Variants in PHACTR3 observed in about 807,000 individuals in gnomAD.
PHACTR3 encodes the protein protein phosphatase 1, regulatory subunit 123.
A neutral mutation model predicts 66.8 loss-of-function variants in PHACTR3; 16 were observed. That is an observed-to-expected ratio of 0.24 (90% CI 0.16 to 0.36). The LOEUF (loss-of-function observed/expected upper bound fraction) is 0.36, where lower values mean the gene tolerates loss of function less well. Among genes scored for constraint, PHACTR3 ranks in the 10% least tolerant of loss-of-function variants. PHACTR3 has a pLI of 1.00. For synonymous variants in PHACTR3, 323 were observed against 292.1 expected, an observed-to-expected ratio of 1.11 and a Z score of -1.08; for missense variants, 647 against 719.9, an observed-to-expected ratio of 0.90 and a Z score of 1.16.
At chr20:59,761,394 G>A (rs985828824) in intron 4 of PHACTR3, among the ~76,000 whole-genome samples, 2 of 152,164 alleles carry the variant, frequency 1.3e-5, no homozygotes, top group African/African-American at 2.4e-5. Context: ...ACAGCCAGCT[G>A]CCCAAGCTGA....
intron 1 of PHACTR3, among the ~76,000 whole-genome samples, chr20:59,646,022 G>A (rs1600998471): frequency 6.6e-6 from 1 of 152,316 alleles, no homozygotes; most frequent in East Asian, 1.9e-4. Context: ...GGCAAGGGTT[G>A]TAAGCTCCTG....
At chr20:59,827,875 G>A (rs942174722) in intron 8 of PHACTR3, among the ~76,000 whole-genome samples, 6 of 152,108 alleles carry the variant, frequency 3.9e-5, no homozygotes, top group Non-Finnish European at 7.4e-5. Context: ...AAGTTGCCCT[G>A]CCTCCTATGC....
chr20:59,764,850 A>G (rs1568795220), intron 4 of PHACTR3, among the ~76,000 whole-genome samples: 1 of 151,934 alleles, frequency 6.6e-6, no homozygotes, highest in Admixed American at 6.6e-5. Context: ...AAGGGGTGGG[A>G]CCCCCCCAGG....
chr20:59,810,778 C>T (rs968255231), intron 8 of PHACTR3, among the ~76,000 whole-genome samples: 2 of 152,192 alleles, frequency 1.3e-5, no homozygotes, highest in Non-Finnish European at 2.9e-5. Flanking sequence ...AAGAGTGAAG[C>T]TCTATGCTGA....
At chr20:59,638,080 T>G (rs1436653660) in intron 1 of PHACTR3, among the ~76,000 whole-genome samples, 2 of 152,214 alleles carry the variant, frequency 1.3e-5, no homozygotes, top group African/African-American at 4.8e-5. Context: ...GTGCATACTA[T>G]TAAATGCTGC....
intron 1 of PHACTR3, among the ~76,000 whole-genome samples, chr20:59,599,418 CG>C (rs1179611851): frequency 6.6e-6 from 1 of 152,126 alleles, no homozygotes; most frequent in Non-Finnish European, 1.5e-5. Flanking sequence ...CATAAGAAGA[CG>C]GCGGAATTGA....
At chr20:59,694,106 G>A (rs977124464) in intron 1 of PHACTR3, among the ~76,000 whole-genome samples, 1 of 152,204 alleles carries the variant, frequency 6.6e-6, no homozygotes, top group African/African-American at 2.4e-5. Context: ...TATGTCATAT[G>A]TGACTCTATA....
chr20:59,826,736 G>A (rs148248230), intron 8 of PHACTR3, among the ~76,000 whole-genome samples: 245 of 152,122 alleles, frequency 1.6e-3, no homozygotes, highest in African/African-American at 5.6e-3. Flanking sequence ...CCTCTCTCAC[G>A]TCCTTCCCTG....
chr20:59,767,235 C>G lies in PHACTR3; in HGVS notation c.591C>G (p.Leu197=), dbSNP rs1568797704. The change falls in exon 5 of 13, where the codon CTC becomes CTG. Residue 197 remains leucine (L), a synonymous_variant. Transcript: ENST00000371015. ...SSGEEADAGS[L]LPTTNELSQA... Reference sequence around the variant, plus strand: ...GTGAAGAAGCAGACGCTGGCAGCCTCCTGCCCACCACCAATGAGCTCTCCC... The same window carrying G: ...GTGAAGAAGCAGACGCTGGCAGCCTGCTGCCCACCACCAATGAGCTCTCCC... 9 of 1,614,152 alleles carry G rather than the reference C, an allele frequency of 5.6e-6. No individual in the cohort carries two copies. Among genetic ancestry groups the G allele is most frequent in the Non-Finnish European group, 7.6e-6 (9 of 1,180,064 alleles).
At chr20:59,648,082 C>T (rs1456545958) in intron 1 of PHACTR3, among the ~76,000 whole-genome samples, 1 of 152,188 alleles carries the variant, frequency 6.6e-6, no homozygotes, top group Non-Finnish European at 1.5e-5. Context: ...GAGAAACCTA[C>T]CCAGACTGGC....
intron 8 of PHACTR3, among the ~76,000 whole-genome samples, chr20:59,827,805 C>G (rs1216530442): frequency 6.6e-6 from 1 of 152,172 alleles, no homozygotes; most frequent in Non-Finnish European, 1.5e-5. Context: ...CATGGGACAC[C>G]TTCCCGACAT....
intron 1 of PHACTR3, among the ~76,000 whole-genome samples, chr20:59,662,954 G>A (rs1002634326): frequency 5.3e-5 from 8 of 152,162 alleles, no homozygotes; most frequent in Non-Finnish European, 1.2e-4. Context: ...GTGTTCCCTC[G>A]CAGTTCACGG....
chr20:59,831,493 G>C (rs1352691798), intron 8 of PHACTR3, among the ~76,000 whole-genome samples: 1 of 152,178 alleles, frequency 6.6e-6, no homozygotes. Flanking sequence ...GTCAGAAATA[G>C]ACTGTGGCTT....
intron 1 of PHACTR3, among the ~76,000 whole-genome samples, chr20:59,703,959 G>T (rs1049300797): frequency 2.0e-5 from 3 of 152,064 alleles, no homozygotes; most frequent in African/African-American, 7.2e-5. Flanking sequence ...TAAATAGTGG[G>T]CTGTTATTTC....
At chr20:59,674,576 T>C (rs2036335663) in intron 1 of PHACTR3, among the ~76,000 whole-genome samples, 1 of 46,390 alleles carries the variant, frequency 2.2e-5, no homozygotes, top group Non-Finnish European at 3.5e-5. Flanking sequence ...CCGCTTCTCC[T>C]GTTCCCCCCT....
intron 11 of PHACTR3, chr20:59,843,943 T>G (rs899091021): frequency 6.6e-6 from 1 of 151,884 alleles, no homozygotes; most frequent in African/African-American, 2.4e-5. Context: ...GGGACTAATA[T>G]CCAGAATATA....
chr20:59,713,593 T>TTTCATCA (rs1186940682), intron 1 of PHACTR3, among the ~76,000 whole-genome samples: 1 of 152,254 alleles, frequency 6.6e-6, no homozygotes, highest in African/African-American at 2.4e-5. Flanking sequence ...TTTGATAATA[T>TTTCATCA]TTCATCATTT....
At chr20:59,846,668 AGACCC>A (rs2059154028) in intron 12 of PHACTR3, among the ~76,000 whole-genome samples, 2 of 152,088 alleles carry the variant, frequency 1.3e-5, no homozygotes, top group Non-Finnish European at 2.9e-5. Flanking sequence ...TGTGGTATAA[AGACCC>A]TAAAATTATT....
At chr20:59,633,724 G>C (rs751170933) in intron 1 of PHACTR3, among the ~76,000 whole-genome samples, 1 of 152,168 alleles carries the variant, frequency 6.6e-6, no homozygotes, top group Non-Finnish European at 1.5e-5. Context: ...GTAAGTCATG[G>C]AAAAGGTATT....
Sources: allele counts gnomAD v4.1 joint callset (sites outside exome capture counted in the v4.1 genomes callset), GRCh38; gene constraint gnomAD v4.1.1; transcripts MANE v1.5; gene names NCBI Gene and HGNC (gene_info 2026-07-23, HGNC 2026-07-21).